MYO10: variants seen among roughly 807,000 people sequenced by gnomAD.
MYO10 encodes the protein myosin X.
A neutral mutation model predicts 257.3 loss-of-function variants in MYO10; 133 were observed. The ratio of observed to expected loss-of-function variants is 0.52; its 90% CI spans 0.45 to 0.60. The LOEUF is 0.60. Among genes scored for constraint, MYO10 ranks in the 20% least tolerant of loss-of-function variants. The probability of loss-of-function intolerance (pLI) is 0.00; values close to 1 mark genes in which losing one functional copy is unlikely to be tolerated. For missense variants in MYO10, 2,399 were observed against 2,635.7 expected (o/e 0.91, Z 1.97); for synonymous variants, 1,104 against 1,028.6 (o/e 1.07, Z -1.40).
intron 2 of MYO10, among the ~76,000 whole-genome samples, chr5:16,822,955 G>T (rs1015688469): frequency 6.6e-6 from 1 of 151,870 alleles, no homozygotes; most frequent in African/African-American, 2.4e-5. Context: ...CCAAAGTGCT[G>T]GGATTACAGG....
At chr5:16,668,644 T>C (rs1736291630) in intron 39 of MYO10, among the ~76,000 whole-genome samples, 176 bp from the exon 40 acceptor site, 1 of 152,210 alleles carries the variant, frequency 6.6e-6, no homozygotes, top group African/African-American at 2.4e-5. Context: ...TCTGGCTATC[T>C]TGATTTCTAA....
In MYO10 at chr5:16,818,114, G is replaced by A. The variant is rs1246054683; in HGVS notation, c.174C>T (p.His58=). ...TITHQKVTAM[H]PTNEEGVDDM... is the part of the protein sequence containing the mutation. ...CATCCACGCCCTCCTCGTTCGTGGGGTGCATAGCAGTCACCTTCTGGTGGG... is the reference window on the plus strand; with the variant it reads ...CATCCACGCCCTCCTCGTTCGTGGGATGCATAGCAGTCACCTTCTGGTGGG... The change falls in exon 3 of 41, where the codon CAC becomes CAT. Residue 58 remains histidine, a synonymous_variant. Coordinates refer to ENST00000513610, the MANE Select transcript of MYO10 (RefSeq NM_012334.3). 3.1e-6 allele frequency: 5 copies of A among 1,609,684 alleles called. No homozygotes were observed. In the Admixed American group the frequency reaches 5.0e-5, roughly 16 times the overall value.
intron 19 of MYO10, among the ~76,000 whole-genome samples, chr5:16,743,052 G>A (rs543946455): frequency 2.0e-5 from 3 of 152,220 alleles, no homozygotes; most frequent in Non-Finnish European, 2.9e-5. Context: ...CCCGGGAGAC[G>A]GAGGTTGCAG....
Position 16,779,564 on chromosome 5 carries a change from T to A in MYO10, c.911A>T (p.Glu304Val), listed in dbSNP as rs762122374. 3 of 1,583,020 alleles carry A rather than the reference T, an allele frequency of 1.9e-6. No individual in the cohort carries two copies. The Admixed American group carries it at 5.7e-5, about 30-fold the overall frequency. The change falls in exon 9 of 41, where the codon GAA becomes GTA. Residue 304 changes from glutamate (E) to valine (V), a missense_variant. Coordinates refer to ENST00000513610, the MANE Select transcript of MYO10 (RefSeq NM_012334.3). The part of the protein sequence containing the change: ...CVEDKTISDQ[E>V]SFREVITAMD... ...ACTTACAATAACTTCCCTAAAGGAT[T>A]CCTGGTCACTGATTGTCTTGTCTTC... is the stretch of plus-strand genomic sequence containing the variant.
At chr5:16,731,272 T>C (rs186221359) in intron 19 of MYO10, among the ~76,000 whole-genome samples, 1 of 152,126 alleles carries the variant, frequency 6.6e-6, no homozygotes, top group Non-Finnish European at 1.5e-5. Flanking sequence ...CTTGAACTCC[T>C]GACCTCATGA....
chr5:16,747,361 T>TTAAAGATGGCGCA (rs1308467408), intron 19 of MYO10, among the ~76,000 whole-genome samples: 15,729 of 152,030 alleles, frequency 0.1, 2,743 homozygotes, highest in African/African-American at 0.36. Flanking sequence ...ATGGCAATAG[T>TTAAAGATGGCGCA]TACGTTTTTA....
At chr5:16,716,141 C>T (rs1212289652) in intron 19 of MYO10, among the ~76,000 whole-genome samples, 1 of 151,618 alleles carries the variant, frequency 6.6e-6, no homozygotes, top group Non-Finnish European at 1.5e-5. Context: ...AAGTTTGCAT[C>T]CTGGAGACAG....
intron 19 of MYO10, among the ~76,000 whole-genome samples, chr5:16,749,009 C>T (rs1740301212): frequency 6.6e-6 from 1 of 152,078 alleles, no homozygotes; most frequent in Non-Finnish European, 1.5e-5. Flanking sequence ...AGATGGGGCT[C>T]CAAGATCGAC....
intron 3 of MYO10, among the ~76,000 whole-genome samples, chr5:16,811,551 T>C (rs1217600928): frequency 6.6e-6 from 1 of 152,138 alleles, no homozygotes; most frequent in East Asian, 1.9e-4. Context: ...TCAGTTCTTT[T>C]CTTTTTCTCT....
intron 19 of MYO10, among the ~76,000 whole-genome samples, chr5:16,718,344 G>C (rs530397401): frequency 6.6e-6 from 1 of 152,240 alleles, no homozygotes; most frequent in South Asian, 2.1e-4. Flanking sequence ...GCGAGCGCAC[G>C]GCGCAGGACT....
intron 1 of MYO10, among the ~76,000 whole-genome samples, chr5:16,881,883 AT>A (rs34044246): frequency 0.018 from 2,740 of 152,334 alleles, 83 homozygotes; most frequent in African/African-American, 0.063. Context: ...ACATTCAGTC[AT>A]TGTTAAATAA....
chr5:16,765,740 G>A (rs1369604310), intron 11 of MYO10, among the ~76,000 whole-genome samples: 1 of 152,108 alleles, frequency 6.6e-6, no homozygotes, highest in Non-Finnish European at 1.5e-5. Context: ...AATTATGCTT[G>A]TCTTATAGTG....
At chr5:16,923,635 A>G (rs921830739) in intron 1 of MYO10, among the ~76,000 whole-genome samples, 1 of 149,942 alleles carries the variant, frequency 6.7e-6, no homozygotes, top group Non-Finnish European at 1.5e-5. Flanking sequence ...TTCCTAGGTT[A>G]ATAAATAATA....
chr5:16,752,088 G>C lies in MYO10; in HGVS notation c.1929+2740C>G, dbSNP rs148112167. 4.2e-3 allele frequency among the ~76,000 whole-genome samples: 637 copies of C among 152,252 alleles called. 4 individuals are homozygous for C. Among genetic ancestry groups the C allele is most frequent in the African/African-American group, 0.015 (604 of 41,558 alleles). On this transcript the variant is annotated intron_variant, in intron 19 of 40. Transcript: ENST00000513610. ...AAAACTAACTCTGTGCCATCCAAGA[G>C]AGAAAACAGAAACACTGGGGACTGA... is the stretch of plus-strand genomic sequence containing the variant.
chr5:16,854,215 G>A (rs1743896186), intron 2 of MYO10: 1 of 152,132 alleles, frequency 6.6e-6, no homozygotes, highest in South Asian at 2.1e-4. Context: ...AATATGAAAT[G>A]CATGGCCCAA....
chr5:16,724,617 G>A (rs1403904048), intron 19 of MYO10, among the ~76,000 whole-genome samples: 2 of 151,968 alleles, frequency 1.3e-5, no homozygotes, highest in Non-Finnish European at 2.9e-5. Flanking sequence ...TTCTATGGGG[G>A]TTCCACTGCA....
chr5:16,680,962 C>T (rs1043376713), intron 32 of MYO10, among the ~76,000 whole-genome samples: 4 of 151,990 alleles, frequency 2.6e-5, no homozygotes, highest in East Asian at 3.9e-4. Flanking sequence ...CATTGCACTC[C>T]GGCCTGGGCA....
intron 3 of MYO10, among the ~76,000 whole-genome samples, chr5:16,817,795 A>T (rs1580025990): frequency 6.6e-6 from 1 of 152,228 alleles, no homozygotes; most frequent in East Asian, 1.9e-4. Flanking sequence ...AGGCCCTTCC[A>T]CAGAAAGTAA....
intron 1 of MYO10, among the ~76,000 whole-genome samples, chr5:16,909,905 G>A (rs1419089979): frequency 1.3e-5 from 2 of 152,050 alleles, no homozygotes; most frequent in East Asian, 1.9e-4. Flanking sequence ...CCTCTCTATT[G>A]CTTCCTCTCT....
Sources: gnomAD v4.1 joint callset for allele counts (sites outside exome capture counted in the v4.1 genomes callset) on GRCh38, gnomAD v4.1.1 for gene constraint, MANE v1.5 for transcripts, NCBI Gene and HGNC (gene_info 2026-07-23, HGNC 2026-07-21) for gene names.